The following EIF3A variants were observed in gnomAD, a reference collection of about 807,000 sequenced individuals.
EIF3A encodes the protein EIF3, p180 subunit.
EIF3A carries 21 observed loss-of-function variants against 186.6 expected under a neutral mutation model. That is an observed-to-expected ratio of 0.11 (90% CI 0.08 to 0.16). EIF3A has a LOEUF of 0.16. Among genes scored for constraint, EIF3A ranks in the 10% least tolerant of loss-of-function variants. The pLI is 1.00. For synonymous variants in EIF3A, 563 were observed against 584.3 expected (o/e 0.96, Z 0.52); for missense variants, 1,306 against 1,796.3 (o/e 0.73, Z 4.93).
chr10:119,057,963 T>C lies in EIF3A; in HGVS notation c.1970A>G (p.Asp657Gly). 6.2e-7 allele frequency: 1 copy of C among 1,610,470 alleles called. No homozygotes were observed. The highest frequency in any genetic ancestry group is 8.5e-7 in the Non-Finnish European group (1 of 1,178,484). ...ELGAKAFKDI[D>G]IEDLEELDPD... is the part of the protein sequence containing the mutation. ...AACTAAGATGCTACGTACTTCAATA[T>C]CAATATCTTTGAATGCTTTGGCACC... Residue 657 changes from aspartate to glycine, a missense_variant, in exon 12 of 22, where the codon GAT (aspartate) becomes GGT (glycine). Asp to Gly is a moderately conservative substitution (Grantham distance 94). Coordinates refer to ENST00000369144, the MANE Select transcript of EIF3A (RefSeq NM_003750.4).
chr10:119,074,161 T>TCCA (rs1349578578), intron 1 of EIF3A, among the ~76,000 whole-genome samples: 2 of 152,014 alleles, frequency 1.3e-5, no homozygotes, highest in Admixed American at 6.6e-5. Flanking sequence ...ATCACTGTAT[T>TCCA]CCACTGTGAT....
intron 5 of EIF3A, among the ~76,000 whole-genome samples, chr10:119,069,903 T>A (rs956236): frequency 0.016 from 2,457 of 151,994 alleles, 69 homozygotes; most frequent in African/African-American, 0.057. Flanking sequence ...AGAAAATATT[T>A]GCATATTATC....
chr10:119,041,813 T>C (rs1222613591), intron 19 of EIF3A, among the ~76,000 whole-genome samples, 181 bp downstream of exon 19: 2 of 152,200 alleles, frequency 1.3e-5, no homozygotes, highest in Non-Finnish European at 2.9e-5. Flanking sequence ...GGGTTATTTA[T>C]GTTTTGGATG....
rs367836803 is a variant in EIF3A, at chr10:119,038,249, G to A, written c.3717C>T (p.Phe1239=). Reference sequence around the variant, plus strand: ...TTAGAGCATCACACCTAGGTCTTCTGAAGCGATCCTCTCGATCCACATCTC... The same window carrying A: ...TTAGAGCATCACACCTAGGTCTTCTAAAGCGATCCTCTCGATCCACATCTC... ...RERDVDREDR[F]RRPRDEGGWR... The change falls in exon 20 of 22, where the codon TTC becomes TTT. Residue 1239 remains phenylalanine (F), a synonymous_variant. Coordinates refer to ENST00000369144, the MANE Select transcript of EIF3A (RefSeq NM_003750.4). The A allele has an allele frequency of 6.2e-7, 1 of 1,613,724 alleles. No homozygotes were observed. Among genetic ancestry groups the A allele is most frequent in the Non-Finnish European group, 8.5e-7 (1 of 1,179,810 alleles).
chr10:119,044,664 C>T (rs186691914), intron 17 of EIF3A, among the ~76,000 whole-genome samples: 7 of 152,124 alleles, frequency 4.6e-5, no homozygotes, highest in East Asian at 3.9e-4. Context: ...CTGGCTAACA[C>T]GGTGAAACCC....
At position 119,045,951 on chromosome 10, in the gene EIF3A, A is replaced by G. The variant is rs149913211; in HGVS notation, c.2659-1809T>C. Among the ~76,000 whole-genome samples the G allele has an allele frequency of 7.2e-5, 11 of 152,328 alleles. No individual in the cohort carries two copies. The South Asian group carries it at 8.3e-4, about 11-fold the overall frequency. ...CAGAGAACCTGGTACAAACAAACAA[A>G]GAGATGAAGAGAGTAAAAGAAACAT... On this transcript the variant is annotated intron_variant, in intron 17 of 21. Coordinates refer to ENST00000369144, the MANE Select transcript of EIF3A (RefSeq NM_003750.4).
At chr10:119,044,382 G>C (rs1296291830) in intron 17 of EIF3A, among the ~76,000 whole-genome samples, 2 of 138,106 alleles carry the variant, frequency 1.4e-5, no homozygotes, top group East Asian at 4.4e-4. Context: ...AAAGCAACCT[G>C]GGAACATACA....
chr10:119,080,775 T>G lies in EIF3A; in HGVS notation c.-99A>C. 6.9e-7 allele frequency: 1 copy of G among 1,457,990 alleles called. No homozygotes were observed. The highest frequency in any genetic ancestry group is 9.1e-7 in the Non-Finnish European group (1 of 1,101,130). The allele number at this position is 1,457,990 out of a possible 1,614,324, so 90.3% of individuals were successfully genotyped here. A position where few individuals can be genotyped will look rare whatever the true frequency, so the allele number is the denominator to read the frequency against. On this transcript the variant is annotated 5_prime_UTR_variant, in exon 1 of 22. Coordinates refer to ENST00000369144, the MANE Select transcript of EIF3A (RefSeq NM_003750.4). ...GAACCAGCGTAAGGTCCCACGCGCC[T>G]CGCCAGCAGTCGCCCGCGCCCAGCC... is the stretch of plus-strand genomic sequence containing the variant.
At chr10:119,080,501 G>A (rs1033417840) in intron 1 of EIF3A, 127 bp downstream of exon 1, 32 of 1,401,326 alleles carry the variant, frequency 2.3e-5, no homozygotes, top group Admixed American at 1.4e-4. Flanking sequence ...GGACAGCGGC[G>A]GGCAGGCCGC....
intron 15 of EIF3A, 128 bp downstream of exon 15, chr10:119,051,071 T>G (rs1468030425): frequency 1.2e-6 from 1 of 817,272 alleles, no homozygotes; most frequent in Non-Finnish European, 1.8e-6. Flanking sequence ...ATCCAAAAAT[T>G]TCTATTATTT....
chr10:119,059,348 T>A lies in EIF3A; in HGVS notation c.1493A>T (p.Asn498Ile). 1.2e-6 allele frequency: 2 copies of A among 1,609,570 alleles called. No homozygotes were observed. The highest frequency in any genetic ancestry group is 1.7e-6 in the Non-Finnish European group (2 of 1,178,438). ...SRTLSFGSDL[N>I]YATREDAPIG... ...CGGAGCATCTTCTCGAGTAGCATAA[T>A]TCAAATCAGATCCAAAACTCAGGGT... The change falls in exon 11 of 22, where the codon AAT (asparagine) becomes ATT (isoleucine). Residue 498 changes from asparagine (N) to isoleucine (I), a missense_variant. Asn to Ile is a moderately radical substitution (Grantham distance 149). This residue lies in a region of EIF3A where 267 missense variants were observed against 367.8 expected (regional missense o/e 0.73). Coordinates refer to ENST00000369144, the MANE Select transcript of EIF3A (RefSeq NM_003750.4).
At position 119,058,248 on chromosome 10, in the gene EIF3A, C is replaced by G. The variant is rs1352419006; in HGVS notation, c.1685G>C (p.Arg562Pro). The G allele has an allele frequency of 6.2e-7, 1 of 1,611,398 alleles. No homozygotes were observed. The highest frequency in any genetic ancestry group is 2.2e-5 in the East Asian group (1 of 44,840). Residue 562 changes from arginine (R) to proline (P), a missense_variant, in exon 12 of 22, where the codon CGA (arginine) becomes CCA (proline). Transcript: ENST00000369144. ...AGCCAGGATCCGCTGGTGCTCTTTTCGTGAATTTTTAAGGTATGCAGTGAC... is the reference window on the plus strand; with the variant it reads ...AGCCAGGATCCGCTGGTGCTCTTTTGGTGAATTTTTAAGGTATGCAGTGAC... ...LAVTAYLKNS[R>P]KEHQRILARR...
intron 5 of EIF3A, 86 bp from the exon 6 acceptor site, chr10:119,069,740 G>C (rs908626850): frequency 2.8e-6 from 2 of 723,676 alleles, no homozygotes; most frequent in African/African-American, 3.6e-5. Flanking sequence ...CTACAACACA[G>C]AAAACATAAA....
chr10:119,066,798 G>T (rs1843988149), intron 6 of EIF3A, among the ~76,000 whole-genome samples: 2 of 152,134 alleles, frequency 1.3e-5, no homozygotes, highest in African/African-American at 4.8e-5. Flanking sequence ...TGAGTCATAA[G>T]GCTACTGCAA....
intron 7 of EIF3A, among the ~76,000 whole-genome samples, chr10:119,062,958 G>C (rs570662792): frequency 6.7e-6 from 1 of 150,338 alleles, no homozygotes; most frequent in Non-Finnish European, 1.5e-5. Context: ...GTTTCACCAC[G>C]ATGGCCAAGC....
intron 6 of EIF3A, among the ~76,000 whole-genome samples, chr10:119,066,085 C>T (rs1430757925): frequency 6.6e-6 from 1 of 151,300 alleles, no homozygotes; most frequent in East Asian, 2.0e-4. Flanking sequence ...CACTGCACTC[C>T]AGCCTGGGCG....
intron 6 of EIF3A, among the ~76,000 whole-genome samples, 184 bp downstream of exon 6, chr10:119,069,262 C>G (rs1046025269): frequency 6.6e-6 from 1 of 152,204 alleles, no homozygotes; most frequent in African/African-American, 2.4e-5. Context: ...TGGGTAGAAG[C>G]TGAGGATGCT....
In EIF3A at chr10:119,042,920, A is replaced by G; in HGVS notation, c.2748-148T>C. On this transcript the variant is annotated intron_variant, in intron 18 of 21. Transcript: ENST00000369144. This position sits in a 1 kb window ranked among gnomAD's most constrained non-coding sequence, Gnocchi z 7.8. ...TTAATCCCAGCACTCTGGGAAGCAG[A>G]GGCAGGCAGATCACCTGAGGTCAGG... 1 of 833,510 alleles carries G rather than the reference A, an allele frequency of 1.2e-6. No individual in the cohort carries two copies. The highest frequency in any genetic ancestry group is 1.8e-6 in the Non-Finnish European group (1 of 559,232). The allele number at this position is 833,510 out of a possible 1,614,324, so 51.6% of individuals were successfully genotyped here.
chr10:119,073,833 A>G lies in EIF3A; in HGVS notation c.154T>C (p.Leu52=), dbSNP rs138126632. The part of the protein sequence containing the change: ...TWQKIHEPIM[L]KYLELCVDLR... ...TCCACGCAAAGTTCCAAGTATTTCAACATAATTGGTTCGTGTATCTTTTGC... is the reference window on the plus strand; with the variant it reads ...TCCACGCAAAGTTCCAAGTATTTCAGCATAATTGGTTCGTGTATCTTTTGC... The change falls in exon 2 of 22, where the codon TTG becomes CTG. Residue 52 remains leucine, a synonymous_variant. Transcript: ENST00000369144. 15 of 1,614,112 alleles carry G rather than the reference A, an allele frequency of 9.3e-6. No individual in the cohort carries two copies. The African/African-American group carries it at 1.9e-4, about 20-fold the overall frequency.
Sources: gnomAD v4.1 joint callset for allele counts (sites outside exome capture counted in the v4.1 genomes callset) on GRCh38, gnomAD v4.1.1 for gene constraint, gnomAD v4.1.1 regional missense constraint, Gnocchi (gnomAD v3.1) non-coding constraint, MANE v1.5 for transcripts, NCBI Gene and HGNC (gene_info 2026-07-23, HGNC 2026-07-21) for gene names.